Variants in RHBDL2 observed in about 807,000 individuals in gnomAD.
RHBDL2 encodes the protein rhomboid like 2.
A neutral mutation model predicts 31.7 loss-of-function variants in RHBDL2; 26 were observed. That is an observed-to-expected ratio of 0.82 (90% confidence interval 0.60 to 1.14). The LOEUF (loss-of-function observed/expected upper bound fraction) is 1.14, where lower values mean the gene tolerates loss of function less well. RHBDL2 is among the 50% of genes most tolerant of loss of function. The pLI, the probability that RHBDL2 is intolerant of heterozygous loss-of-function variation, is 0.00. For synonymous variants in RHBDL2, 123 were observed against 127.2 expected, an observed-to-expected ratio of 0.97 and a Z score of 0.22; for missense variants, 336 against 364.4, an observed-to-expected ratio of 0.92 and a Z score of 0.63.
chr1:38,914,817 G>A (rs921307706), intron 3 of RHBDL2, among the ~76,000 whole-genome samples: 6 of 151,336 alleles, frequency 4.0e-5, no homozygotes, highest in African/African-American at 4.8e-5. Flanking sequence ...ATCACCTGAG[G>A]TCAGAGTTCA....
chr1:38,918,551 C>T (rs1156306887), intron 2 of RHBDL2, among the ~76,000 whole-genome samples: 3 of 152,048 alleles, frequency 2.0e-5, no homozygotes, highest in African/African-American at 7.2e-5. Context: ...CCGTTTTTTT[C>T]CTACTGAAAT....
At chr1:38,919,471 A>T (rs1643281529) in intron 1 of RHBDL2, 134 bp from the exon 2 acceptor site, 1 of 711,640 alleles carries the variant, frequency 1.4e-6, no homozygotes, top group Non-Finnish European at 2.1e-6. Context: ...TCTACCATGT[A>T]TCAGCTGTAA....
intron 6 of RHBDL2, among the ~76,000 whole-genome samples, chr1:38,891,593 TA>T (rs1642855538): frequency 6.6e-6 from 1 of 152,230 alleles, no homozygotes; most frequent in South Asian, 2.1e-4. Flanking sequence ...GCCTCCCAGA[TA>T]CTCACTCTCC....
intron 1 of RHBDL2, among the ~76,000 whole-genome samples, chr1:38,921,506 G>A (rs956826292): frequency 5.3e-5 from 8 of 152,154 alleles, no homozygotes; most frequent in Non-Finnish European, 1.0e-4. Flanking sequence ...ATGGAGCTGA[G>A]CCTGGCGCCT....
intron 4 of RHBDL2, among the ~76,000 whole-genome samples, chr1:38,907,519 G>A (rs1345098903): frequency 1.3e-5 from 2 of 151,934 alleles, no homozygotes; most frequent in African/African-American, 2.4e-5. Context: ...CAGCCTGGGC[G>A]ACAAAAGCGC....
Position 38,915,705 on chromosome 1 carries a change from T to C in RHBDL2, c.252A>G (p.Ala84=). Residue 84 remains alanine (A), a synonymous_variant, in exon 3 of 8, where the codon GCA becomes GCG. Transcript: ENST00000372990. The part of the protein sequence containing the change: ...FIISISLAEL[A]VFIYYAVWKP... ...TCCACACAGCATAGTAAATAAACAC[T>C]GCCAGCTGATGGAGGGAGCAGACAT... 1 of 1,614,114 alleles carries C rather than the reference T, an allele frequency of 6.2e-7. No homozygotes were observed. The highest frequency in any genetic ancestry group is 8.5e-7 in the Non-Finnish European group (1 of 1,180,010).
chr1:38,919,550 G>A (rs1417730623), intron 1 of RHBDL2, among the ~76,000 whole-genome samples: 1 of 146,894 alleles, frequency 6.8e-6, no homozygotes, highest in Non-Finnish European at 1.5e-5. Flanking sequence ...AAATTGTGGT[G>A]AAATACACAT....
At chr1:38,902,019 A>G (rs1642997176) in intron 4 of RHBDL2, among the ~76,000 whole-genome samples, 1 of 151,644 alleles carries the variant, frequency 6.6e-6, no homozygotes, top group South Asian at 2.1e-4. Context: ...CCTAATTGAC[A>G]TGTATACAAT....
At chr1:38,924,782 CTTTT>C (rs111244874) in intron 1 of RHBDL2, among the ~76,000 whole-genome samples, 2 of 125,824 alleles carry the variant, frequency 1.6e-5, no homozygotes, top group Admixed American at 8.2e-5. Flanking sequence ...TTTCTTTTTT[CTTTT>C]TTTTTTTTTT....
chr1:38,902,235 T>G (rs917017752), intron 4 of RHBDL2, among the ~76,000 whole-genome samples: 54 of 123,038 alleles, frequency 4.4e-4, no homozygotes, highest in African/African-American at 1.5e-3. Context: ...AGACAGAGTC[T>G]CACTCTGTCG....
At position 38,915,709 on chromosome 1, in the gene RHBDL2, A is replaced by T; in HGVS notation, c.248T>A (p.Leu83Gln). 1 of 1,614,142 alleles carries T rather than the reference A, an allele frequency of 6.2e-7. No individual in the cohort carries two copies. The highest frequency in any genetic ancestry group is 8.5e-7 in the Non-Finnish European group (1 of 1,180,028). Residue 83 changes from leucine (L) to glutamine (Q), a missense_variant and splice_region_variant, in exon 3 of 8, where the codon CTG (leucine) becomes CAG (glutamine). By Grantham distance (113) the Leu-to-Gln change is moderately radical (BLOSUM62 -2). Transcript: ENST00000372990. Reference protein sequence around the residue: ...VFIISISLAELAVFIYYAVWK... With the variant: ...VFIISISLAEQAVFIYYAVWK... ...CACAGCATAGTAAATAAACACTGCC[A>T]GCTGATGGAGGGAGCAGACATGAGT... is the stretch of plus-strand genomic sequence containing the variant.
At chr1:38,912,659 AATCCAT>A in intron 3 of RHBDL2, among the ~76,000 whole-genome samples, 1 of 148,896 alleles carries the variant, frequency 6.7e-6, no homozygotes, top group East Asian at 2.0e-4. Flanking sequence ...GGGTTCAAGC[AATCCAT>A]CCACCTCAGC....
chr1:38,925,849 T>G, intron 1 of RHBDL2: 1 of 674,356 alleles, frequency 1.5e-6, no homozygotes, highest in Non-Finnish European at 2.1e-6. Flanking sequence ...AACAGTCATG[T>G]GAGATATCCA....
chr1:38,935,096 T>A (rs1418851472), intron 1 of RHBDL2, among the ~76,000 whole-genome samples: 1 of 152,218 alleles, frequency 6.6e-6, no homozygotes, highest in East Asian at 1.9e-4. Flanking sequence ...AGACATGTTT[T>A]AAATACATTT....
intron 1 of RHBDL2, among the ~76,000 whole-genome samples, chr1:38,939,665 A>G (rs1052062537): frequency 6.6e-6 from 1 of 151,852 alleles, no homozygotes; most frequent in Non-Finnish European, 1.5e-5. Flanking sequence ...AAAAAAAACC[A>G]AGTAGCTGAG....
chr1:38,894,711 T>C (rs888080172), intron 5 of RHBDL2, among the ~76,000 whole-genome samples: 7 of 143,158 alleles, frequency 4.9e-5, no homozygotes, highest in Non-Finnish European at 9.2e-5. Context: ...TTTTTTCTTT[T>C]TTTTTTTTTT....
At chr1:38,889,679 G>T (rs9438979) in intron 6 of RHBDL2, among the ~76,000 whole-genome samples, 84,781 of 151,988 alleles carry the variant, frequency 0.56, 25,162 homozygotes, top group Non-Finnish European at 0.67. Context: ...TTAGGCAGTC[G>T]TCAAGTAAGT....
intron 1 of RHBDL2, among the ~76,000 whole-genome samples, chr1:38,925,304 C>T (rs1209711708): frequency 2.0e-4 from 30 of 151,854 alleles, no homozygotes; most frequent in Admixed American, 2.0e-3. Flanking sequence ...TCGAGACCAG[C>T]CTGACCAACA....
At chr1:38,921,278 G>A (rs1271011471) in intron 1 of RHBDL2, among the ~76,000 whole-genome samples, 2 of 152,214 alleles carry the variant, frequency 1.3e-5, no homozygotes, top group Non-Finnish European at 2.9e-5. Flanking sequence ...GCTGAAGGAA[G>A]GCTGAAGCAG....
Sources: gnomAD v4.1 joint callset for allele counts (sites outside exome capture counted in the v4.1 genomes callset) on GRCh38, gnomAD v4.1.1 for gene constraint, MANE v1.5 for transcripts, NCBI Gene and HGNC (gene_info 2026-07-23, HGNC 2026-07-21) for gene names.